CCDC171: variants seen among roughly 807,000 people sequenced by gnomAD.
CCDC171 encodes coiled-coil domain containing 171, also known as coiled-coil domain-containing protein 171.
CCDC171 carries 177 observed loss-of-function variants against 168.2 expected under a neutral mutation model. That is an observed-to-expected ratio of 1.05 (90% CI 0.93 to 1.19). CCDC171 has a LOEUF of 1.19. Ranked by LOEUF, CCDC171 falls within the 50% of genes most tolerant of loss-of-function variation. The pLI is 0.00. For synonymous variants in CCDC171, 687 were observed against 540.8 expected, an observed-to-expected ratio of 1.27 and a Z score of -3.75; for missense variants, 1,991 against 1,539.0, an observed-to-expected ratio of 1.29 and a Z score of -4.91.
At chr9:15,694,174 A>G (rs1223292758) in intron 10 of CCDC171, among the ~76,000 whole-genome samples, 1 of 151,828 alleles carries the variant, frequency 6.6e-6, no homozygotes, top group Non-Finnish European at 1.5e-5. Flanking sequence ...CTTCTTTTCT[A>G]ACTATTAAAT....
chr9:15,910,201 C>T (rs556703600), intron 24 of CCDC171, among the ~76,000 whole-genome samples: 74 of 143,992 alleles, frequency 5.1e-4, no homozygotes, highest in African/African-American at 1.8e-3. Context: ...CACACACACA[C>T]CATATTTTCT....
chr9:16,056,221 A>G (rs1833838009), intron 1 of CCDC171, among the ~76,000 whole-genome samples: 2 of 152,314 alleles, frequency 1.3e-5, no homozygotes, highest in Middle Eastern at 3.4e-3. Flanking sequence ...TATTTTCCAC[A>G]TTTTTGTAAT....
intron 18 of CCDC171, among the ~76,000 whole-genome samples, chr9:15,751,234 ACCTCTT>A (rs1019723486): frequency 2.6e-5 from 4 of 152,178 alleles, no homozygotes; most frequent in African/African-American, 9.6e-5. Context: ...GATGTGAAGG[ACCTCTT>A]CAAGGAGAAC....
intron 20 of CCDC171, among the ~76,000 whole-genome samples, chr9:15,782,866 C>T (rs1016345617): frequency 7.9e-5 from 12 of 152,120 alleles, no homozygotes; most frequent in African/African-American, 2.9e-4. Context: ...AATCCCAGCA[C>T]TATGCAAGTA....
intron 24 of CCDC171, among the ~76,000 whole-genome samples, chr9:15,910,940 C>T (rs1227223587): frequency 6.6e-6 from 1 of 152,098 alleles, no homozygotes; most frequent in Admixed American, 6.6e-5. Context: ...TTTATCCAGT[C>T]TTCATTGATG....
chr9:15,604,637 AGAG>A (rs1181664419), intron 6 of CCDC171, among the ~76,000 whole-genome samples: 1 of 152,120 alleles, frequency 6.6e-6, no homozygotes, highest in Non-Finnish European at 1.5e-5. Context: ...AACTATAGAA[AGAG>A]GAGGAAGAGT....
At chr9:15,789,551 A>G (rs1349460248) in intron 21 of CCDC171, among the ~76,000 whole-genome samples, 1 of 152,226 alleles carries the variant, frequency 6.6e-6, no homozygotes, top group Non-Finnish European at 1.5e-5. Flanking sequence ...TCAGAAGCCA[A>G]CAAAGAGTAA....
chr9:15,588,275 A>C (rs1275507755), intron 4 of CCDC171: 1 of 169,904 alleles, frequency 5.9e-6, no homozygotes, highest in African/African-American at 2.4e-5. Flanking sequence ...AGAAGAGGCA[A>C]GAAGGACCCC....
intron 11 of CCDC171, among the ~76,000 whole-genome samples, chr9:15,720,498 A>G (rs2053406585): frequency 6.6e-6 from 1 of 152,196 alleles, no homozygotes; most frequent in South Asian, 2.1e-4. Context: ...AGGACGTATA[A>G]TATGAATGCT....
At chr9:15,675,077 G>C (rs1257594590) in intron 9 of CCDC171, among the ~76,000 whole-genome samples, 5 of 150,844 alleles carry the variant, frequency 3.3e-5, no homozygotes, top group Middle Eastern at 3.5e-3. Flanking sequence ...AGGACAGTTA[G>C]TTTTTCTTGT....
intron 23 of CCDC171, among the ~76,000 whole-genome samples, chr9:15,870,165 T>C (rs2061975200): frequency 1.3e-5 from 2 of 151,886 alleles, no homozygotes; most frequent in Admixed American, 1.3e-4. Context: ...TGTAGTGTGC[T>C]GACTGTACAC....
Position 15,784,537 on chromosome 9 carries a change from G to A in CCDC171, c.3110G>A (p.Ser1037Asn), listed in dbSNP as rs2057836280. The part of the protein sequence containing the change: ...SKLITHEKFE[S>N]ACEELNNALL... The stretch of plus-strand genomic sequence containing the variant: ...TTGATCACCCATGAGAAGTTTGAAA[G>A]TGCATGTGAAGAACTAAATAATGCA... The change falls in exon 21 of 26, where the codon AGT becomes AAT. Residue 1037 changes from serine (S) to asparagine (N), a missense_variant. Transcript: ENST00000380701. 3.1e-6 allele frequency: 5 copies of A among 1,612,924 alleles called. No individual in the cohort carries two copies. In the African/African-American group the frequency reaches 5.3e-5, roughly 17 times the overall value.
chr9:15,776,452 A>G (rs1395814321), intron 18 of CCDC171, among the ~76,000 whole-genome samples: 1 of 152,230 alleles, frequency 6.6e-6, no homozygotes, highest in East Asian at 1.9e-4. Context: ...AAGTTGATGC[A>G]TCAATAACTG....
chr9:15,571,642 G>C lies in CCDC171; in HGVS notation c.60G>C (p.Leu20Phe). 1 of 1,560,522 alleles carries C rather than the reference G, an allele frequency of 6.4e-7. No individual in the cohort carries two copies. The highest frequency in any genetic ancestry group is 8.6e-7 in the Non-Finnish European group (1 of 1,160,470). ...GDTQRLKIAS[L>F]DVKQILKNET... is the part of the protein sequence containing the mutation. The stretch of plus-strand genomic sequence containing the variant: ...TTTAAAGGTTGAAGATTGCCTCATT[G>C]GATGTAAAACAAATACTTAAAAATG... Residue 20 changes from leucine (L) to phenylalanine (F), a missense_variant, in exon 3 of 26, where the codon TTG (leucine) becomes TTC (phenylalanine). By Grantham distance (22) the Leu-to-Phe change is conservative (BLOSUM62 0). Coordinates refer to ENST00000380701, the MANE Select transcript of CCDC171 (RefSeq NM_173550.4).
At chr9:15,591,331 G>C (rs766489145) in intron 4 of CCDC171, 35 bp from the exon 5 acceptor site, 2 of 1,330,522 alleles carry the variant, frequency 1.5e-6, no homozygotes, top group Admixed American at 2.5e-5. Flanking sequence ...TTTAATTCAT[G>C]GTTGTAAATG....
intron 3 of CCDC171, among the ~76,000 whole-genome samples, chr9:15,987,664 A>G (rs1159664841): frequency 6.6e-6 from 1 of 152,226 alleles, no homozygotes; most frequent in Non-Finnish European, 1.5e-5. Context: ...GGAGTTACAT[A>G]TATTGACATG....
intron 1 of CCDC171, among the ~76,000 whole-genome samples, chr9:16,045,885 G>A (rs1833652384): frequency 6.6e-6 from 1 of 152,124 alleles, no homozygotes; most frequent in Admixed American, 6.5e-5. Flanking sequence ...GATAAACCCA[G>A]GCTCTACTTC....
At chr9:15,726,778 TTTTAAG>T (rs1366492405) in intron 14 of CCDC171, among the ~76,000 whole-genome samples, 1 of 152,118 alleles carries the variant, frequency 6.6e-6, no homozygotes. Flanking sequence ...AAATTTTTCT[TTTTAAG>T]TTTGTCTCTT....
At chr9:15,627,348 G>A (rs949258137) in intron 7 of CCDC171, among the ~76,000 whole-genome samples, 5 of 150,386 alleles carry the variant, frequency 3.3e-5, no homozygotes, top group Admixed American at 6.6e-5. Context: ...ATTTTTTCTT[G>A]CCTTCTGCTA....
Sources: allele counts gnomAD v4.1 joint callset (sites outside exome capture counted in the v4.1 genomes callset), GRCh38; gene constraint gnomAD v4.1.1; transcripts MANE v1.5; gene names NCBI Gene and HGNC (gene_info 2026-07-23, HGNC 2026-07-21).